Variants in HYAL4 observed in about 807,000 individuals in gnomAD.
HYAL4 encodes the protein hyaluronidase-4.
In HYAL4, 37 loss-of-function variants were observed where a neutral mutation model predicts 35.2. The ratio of observed to expected loss-of-function variants is 1.05; its 90% CI spans 0.81 to 1.38. HYAL4 has a LOEUF of 1.38. Among genes scored for constraint, HYAL4 ranks in the 40% most tolerant of loss-of-function variants. The pLI is 0.00. For synonymous variants in HYAL4, 198 were observed against 203.2 expected (o/e 0.97, Z 0.22); for missense variants, 572 against 572.4 (o/e 1.00, Z 0.01).
upstream of HYAL4, chr7:123,845,027 G>A (rs755606243): frequency 6.6e-6 from 1 of 152,262 alleles, no homozygotes; most frequent in Non-Finnish European, 1.5e-5. Flanking sequence ...TCCTTGGACT[G>A]CACCCACTGT....
At chr7:123,836,492 G>A (rs1411805704) in intron 1 of HYAL4, among the ~76,000 whole-genome samples, 1 of 152,122 alleles carries the variant, frequency 6.6e-6, no homozygotes, top group African/African-American at 2.4e-5. Context: ...GGTGAGTCCT[G>A]AAGGCAGCAT....
intron 2 of HYAL4, among the ~76,000 whole-genome samples, chr7:123,857,644 C>CCTTTCTTTCTTT (rs1562999378): frequency 2.6e-4 from 32 of 121,060 alleles, no homozygotes; most frequent in African/African-American, 1.0e-3. Flanking sequence ...TTGCCAGCTG[C>CCTTTCTTTCTTT]CTTTCTTTGT....
At chr7:123,857,669 G>GTTTCTTTCTTTCTTTCTTTCTTTCTTTC (rs200221721) in intron 2 of HYAL4, among the ~76,000 whole-genome samples, 2 of 124,742 alleles carry the variant, frequency 1.6e-5, no homozygotes, top group East Asian at 2.3e-4. Context: ...TTCTTTGTTT[G>GTTTCTTTCTTTCTTTCTTTCTTTCTTTC]TTTCTTTCTT....
At chr7:123,767,163 G>A in the HYAL4 span, among the ~76,000 whole-genome samples, 2 of 152,040 alleles carry the variant, frequency 1.3e-5, no homozygotes, top group South Asian at 2.1e-4. Flanking sequence ...TAACTTTTAG[G>A]ATTGGCTTAT....
chr7:123,819,961 G>A, the HYAL4 span, among the ~76,000 whole-genome samples: 1 of 150,602 alleles, frequency 6.6e-6, no homozygotes, highest in Non-Finnish European at 1.5e-5. Context: ...CGCAATCTTG[G>A]CACACTGCAA....
chr7:123,774,190 C>A, the HYAL4 span, among the ~76,000 whole-genome samples: 1 of 152,014 alleles, frequency 6.6e-6, no homozygotes, highest in African/African-American at 2.4e-5. Flanking sequence ...TATATATGAC[C>A]ATGCCCAGTT....
At chr7:123,796,876 A>G in the HYAL4 span, among the ~76,000 whole-genome samples, 3 of 152,222 alleles carry the variant, frequency 2.0e-5, no homozygotes, top group Non-Finnish European at 4.4e-5. Context: ...CCATTCATAT[A>G]CAATGTCCAA....
At chr7:123,862,337 C>T (rs934197635) in intron 2 of HYAL4, among the ~76,000 whole-genome samples, 1 of 152,140 alleles carries the variant, frequency 6.6e-6, no homozygotes, top group African/African-American at 2.4e-5. Flanking sequence ...CAAACTCTCA[C>T]GGTTTTAGGA....
chr7:123,838,323 A>G (rs1805999715), intron 1 of HYAL4, among the ~76,000 whole-genome samples: 1 of 151,182 alleles, frequency 6.6e-6, no homozygotes, highest in South Asian at 2.1e-4. Flanking sequence ...AGATTCAGGC[A>G]TGAAACAGGC....
upstream of HYAL4, among the ~76,000 whole-genome samples, chr7:123,827,689 C>T (rs1002572610): frequency 3.9e-5 from 6 of 152,096 alleles, no homozygotes; most frequent in East Asian, 3.9e-4. Context: ...GTGCTGGCCT[C>T]GTTCAACTAC....
upstream of HYAL4, chr7:123,845,057 T>A (rs556083655): frequency 6.6e-6 from 1 of 152,440 alleles, no homozygotes; most frequent in South Asian, 2.1e-4. Flanking sequence ...CCCAGTGAGA[T>A]GAACCAGGTA....
the HYAL4 span, among the ~76,000 whole-genome samples, chr7:123,799,758 T>C: frequency 6.6e-6 from 1 of 152,232 alleles, no homozygotes; most frequent in Admixed American, 6.5e-5. Context: ...GATATGTTTT[T>C]CTACCAAGGA....
chr7:123,840,575 G>A (rs556075490), upstream of HYAL4, among the ~76,000 whole-genome samples: 7 of 152,098 alleles, frequency 4.6e-5, no homozygotes, highest in African/African-American at 1.7e-4. Context: ...AATTACTTTG[G>A]GCAGTACGGC....
intron 2 of HYAL4, 77 bp from the exon 3 acceptor site, chr7:123,868,146 A>G (rs1806734876): frequency 4.3e-6 from 2 of 463,596 alleles, no homozygotes; most frequent in Non-Finnish European, 7.4e-6. Context: ...ATAGTCATAT[A>G]TAATAATAAT....
chr7:123,840,112 T>C (rs890949239), upstream of HYAL4, among the ~76,000 whole-genome samples: 8 of 152,258 alleles, frequency 5.3e-5, no homozygotes, highest in African/African-American at 1.7e-4. Context: ...AGGGTTTTTA[T>C]GGCTTTAGGT....
chr7:123,770,694 A>G, the HYAL4 span, among the ~76,000 whole-genome samples: 2 of 152,166 alleles, frequency 1.3e-5, no homozygotes, highest in Non-Finnish European at 2.9e-5. Context: ...CGTTGGGGTC[A>G]GATTATTCAG....
intron 4 of HYAL4, among the ~76,000 whole-genome samples, chr7:123,875,597 C>T (rs1258609795): frequency 2.1e-5 from 3 of 143,102 alleles, no homozygotes; most frequent in African/African-American, 5.3e-5. Context: ...GCAGAGGTTG[C>T]AGTGAGCCAA....
the HYAL4 span, among the ~76,000 whole-genome samples, chr7:123,783,308 T>C: frequency 1.3e-5 from 2 of 152,218 alleles, no homozygotes; most frequent in Non-Finnish European, 2.9e-5. Context: ...GGGACTTTTT[T>C]CCCTAATTTT....
At chr7:123,847,435 CGATTCCATTATCATTAAGAATA>C (rs934247078) in intron 1 of HYAL4, among the ~76,000 whole-genome samples, 12 of 152,196 alleles carry the variant, frequency 7.9e-5, no homozygotes, top group African/African-American at 2.9e-4. Context: ...CTCTATTCAA[CGATTCCATTATCATTAAGAATA>C]GCACATTAGG....
Sources: allele counts gnomAD v4.1 joint callset (sites outside exome capture counted in the v4.1 genomes callset), GRCh38; gene constraint gnomAD v4.1.1; transcripts MANE v1.5; gene names NCBI Gene and HGNC (gene_info 2026-07-23, HGNC 2026-07-21).